CYB5R3: variants seen among roughly 807,000 people sequenced by gnomAD.
The protein encoded by CYB5R3 is NADH-cytochrome b5 reductase 3.
CYB5R3 carries 28 observed loss-of-function variants against 36.5 expected under a neutral mutation model. The observed-to-expected ratio is 0.77, with a 90% CI of 0.57 to 1.05. CYB5R3 has a LOEUF of 1.05. Among genes scored for constraint, CYB5R3 ranks in the 50% least tolerant of loss-of-function variants. The pLI, the probability that CYB5R3 is intolerant of heterozygous loss-of-function variation, is 0.00. For missense variants in CYB5R3, 474 were observed against 408.9 expected, an observed-to-expected ratio of 1.16 and a Z score of -1.37; for synonymous variants, 181 against 159.8, an observed-to-expected ratio of 1.13 and a Z score of -1.00.
In CYB5R3 at chr22:42,628,183, G is replaced by GC; in HGVS notation, c.431dup (p.Ser146GlnfsTer17). 1 of 1,614,092 alleles carries GC rather than the reference G, an allele frequency of 6.2e-7. No homozygotes were observed. Among genetic ancestry groups the GC allele is most frequent in the Non-Finnish European group, 8.5e-7 (1 of 1,179,986 alleles). On this transcript the variant is annotated frameshift_variant, in exon 5 of 9. Coordinates refer to ENST00000352397, the MANE Select transcript of CYB5R3 (RefSeq NM_000398.7). LOFTEE classifies it high-confidence loss of function. ...CCTGGTAGACCAGCAGCCCACTGGG[G>GC]CCCCGGAACTCAATGGTGTCTCCAA...
chr22:42,649,222 C>A, intron 1 of CYB5R3, 73 bp downstream of exon 1: 1 of 696,240 alleles, frequency 1.4e-6, no homozygotes, highest in Non-Finnish European at 1.8e-6. Context: ...TCCCGCAGGC[C>A]AGCCCGCCCC....
At chr22:42,648,838 G>A (rs573118520) in intron 1 of CYB5R3, among the ~76,000 whole-genome samples, 116 of 137,256 alleles carry the variant, frequency 8.5e-4, no homozygotes, top group African/African-American at 3.2e-3. Context: ...ACATACTCCC[G>A]TACACACACA....
At chr22:42,628,414 C>T (rs1928420920) in intron 4 of CYB5R3, 133 bp from the exon 5 acceptor site, 17 of 1,147,814 alleles carry the variant, frequency 1.5e-5, no homozygotes, top group East Asian at 2.4e-5. Flanking sequence ...CGTGGAGCCC[C>T]ATCCACCCAG....
intron 1 of CYB5R3, among the ~76,000 whole-genome samples, chr22:42,645,708 G>A (rs1929505832): frequency 6.6e-6 from 1 of 152,214 alleles, no homozygotes; most frequent in Admixed American, 6.5e-5. Flanking sequence ...CACTTCAGGT[G>A]AGGAAACCAA....
intron 7 of CYB5R3, 51 bp from the exon 8 acceptor site, chr22:42,623,939 C>T: frequency 6.7e-7 from 1 of 1,496,540 alleles, no homozygotes; most frequent in Non-Finnish European, 9.3e-7. Context: ...CAGACTGCCC[C>T]TGGAGACACT....
At chr22:42,622,898 T>G (rs1003915683) in intron 8 of CYB5R3, among the ~76,000 whole-genome samples, 2 of 152,202 alleles carry the variant, frequency 1.3e-5, no homozygotes, top group Non-Finnish European at 2.9e-5. Context: ...TCAAAAATGG[T>G]GCTTCCAACA....
chr22:42,637,732 G>A (rs565518393), intron 1 of CYB5R3, among the ~76,000 whole-genome samples: 71 of 152,306 alleles, frequency 4.7e-4, no homozygotes, highest in Middle Eastern at 3.4e-3. Flanking sequence ...CAGCAACCCC[G>A]TGTGGTAGGC....
chr22:42,631,838 T>G, intron 2 of CYB5R3: 1 of 292,446 alleles, frequency 3.4e-6, no homozygotes, highest in Non-Finnish European at 6.7e-6. Context: ...ATGGGCAAAC[T>G]GGGGCAGAGC....
In CYB5R3 at chr22:42,624,906, C is replaced by T. The variant is rs143677741; in HGVS notation, c.634-1018G>A. The stretch of plus-strand genomic sequence containing the variant: ...CGCGTAGCCCAAGGGTGCCTGAATA[C>T]GGGAATCACCAGCTCCTTGGTGCTC... On this transcript the variant is annotated intron_variant, in intron 7 of 8. Coordinates refer to ENST00000352397, the MANE Select transcript of CYB5R3 (RefSeq NM_000398.7). 3.2e-4 allele frequency among the ~76,000 whole-genome samples: 49 copies of T among 152,276 alleles called. No individual in the cohort carries two copies. The East Asian group carries it at 7.5e-3, about 23-fold the overall frequency.
intron 2 of CYB5R3, among the ~76,000 whole-genome samples, chr22:42,633,654 A>C (rs1236339207): frequency 1.3e-5 from 2 of 152,200 alleles, no homozygotes; most frequent in Non-Finnish European, 2.9e-5. Flanking sequence ...ATGGTGTCGC[A>C]TGCCTATAAT....
intron 2 of CYB5R3, among the ~76,000 whole-genome samples, chr22:42,636,395 C>T (rs868780299): frequency 1.3e-5 from 2 of 152,106 alleles, no homozygotes; most frequent in African/African-American, 4.8e-5. Context: ...GAGACCTTAT[C>T]TTCAAATCTC....
intron 4 of CYB5R3, among the ~76,000 whole-genome samples, chr22:42,630,345 CG>C (rs1928542487): frequency 6.6e-6 from 1 of 152,202 alleles, no homozygotes; most frequent in African/African-American, 2.4e-5. Flanking sequence ...CTTAGGGAAA[CG>C]GGTAAGAACA....
At chr22:42,625,504 C>T (rs980756515) in intron 7 of CYB5R3, among the ~76,000 whole-genome samples, 4 of 152,030 alleles carry the variant, frequency 2.6e-5, no homozygotes, top group African/African-American at 7.3e-5. Flanking sequence ...AGTGAAATTC[C>T]GTCTCAATTT....
At chr22:42,633,341 A>G (rs1188271093) in intron 2 of CYB5R3, 1 of 152,296 alleles carries the variant, frequency 6.6e-6, no homozygotes, top group East Asian at 1.9e-4. Flanking sequence ...TGAACGTGAT[A>G]CCCACATAGG....
intron 8 of CYB5R3, among the ~76,000 whole-genome samples, chr22:42,621,885 C>T (rs1927992023): frequency 6.6e-6 from 1 of 152,268 alleles, no homozygotes; most frequent in Non-Finnish European, 1.5e-5. Context: ...GCAAAGCAGC[C>T]TATCACTTCC....
At chr22:42,639,034 C>CA (rs35810100) in intron 1 of CYB5R3, 55,436 of 286,836 alleles carry the variant, frequency 0.19, 1,135 homozygotes, top group Middle Eastern at 0.23. Flanking sequence ...AACTCCATCT[C>CA]AAAAAAAAAA....
In CYB5R3 at chr22:42,638,728, T is replaced by TAAAAAAAAA. The variant is rs67349863; in HGVS notation, c.22-1891_22-1883dup. Among the ~76,000 whole-genome samples, 32 of 47,512 alleles carry TAAAAAAAAA rather than the reference T, an allele frequency of 6.7e-4. 1 individual carries two copies. The highest frequency in any genetic ancestry group is 1.0e-3 in the East Asian group (2 of 1,948). 31.2% of individuals were successfully genotyped at this position (47,512 alleles called of 152,430 possible). On this transcript the variant is annotated intron_variant, in intron 1 of 8. Transcript: ENST00000352397. ...GCCTGGGAGACAGAGCAAGACTCCA[T>TAAAAAAAAA]AAAAAAAAAAAAAAAAAAAAAAGGC...
chr22:42,626,836 G>A (rs1336734945), intron 7 of CYB5R3, among the ~76,000 whole-genome samples: 1 of 152,188 alleles, frequency 6.6e-6, no homozygotes, highest in African/African-American at 2.4e-5. Flanking sequence ...AGGGCGGGCA[G>A]GCAGGCAGTG....
chr22:42,619,990 C>CACCAACCTGCTGACCG, intron 8 of CYB5R3, 45 bp from the exon 9 acceptor site: 2 of 1,545,586 alleles, frequency 1.3e-6, no homozygotes, highest in Non-Finnish European at 1.8e-6. Flanking sequence ...GCTGTGTGGT[C>CACCAACCTGCTGACCG]ACCAACCTGC....
Sources: gnomAD v4.1 joint callset for allele counts (sites outside exome capture counted in the v4.1 genomes callset) on GRCh38, gnomAD v4.1.1 for gene constraint, MANE v1.5 for transcripts, NCBI Gene and HGNC (gene_info 2026-07-23, HGNC 2026-07-21) for gene names.